The following PDE9A variants were observed in gnomAD, a reference collection of about 807,000 sequenced individuals.
The protein encoded by PDE9A is phosphodiesterase 9A, also known as high affinity cGMP-specific 3',5'-cyclic phosphodiesterase 9A.
PDE9A carries 60 observed loss-of-function variants against 87.4 expected under a neutral mutation model. The ratio of observed to expected loss-of-function variants is 0.69; its 90% confidence interval spans 0.56 to 0.85. PDE9A has a LOEUF of 0.85. Among genes scored for constraint, PDE9A ranks in the 40% least tolerant of loss-of-function variants. The probability of loss-of-function intolerance (pLI) is 0.00; values close to 1 mark genes in which losing one functional copy is unlikely to be tolerated. For synonymous variants in PDE9A, 272 were observed against 279.4 expected (o/e 0.97, Z 0.27); for missense variants, 665 against 779.0 (o/e 0.85, Z 1.74).
chr21:42,687,938 G>A lies in PDE9A; in HGVS notation c.162G>A (p.Leu54=). The part of the protein sequence containing the change: ...GLPRNTTISL[L]TTDDAMVSID... ...CCAGGAACACGACCATCTCCCTGCT[G>A]ACCACCGACGACGCCATGGTCTCCA... is the stretch of plus-strand genomic sequence containing the variant. Residue 54 remains leucine (L), a synonymous_variant, in exon 3 of 20, where the codon CTG becomes CTA. Coordinates refer to ENST00000291539, the MANE Select transcript of PDE9A (RefSeq NM_002606.3). 1 of 1,613,152 alleles carries A rather than the reference G, an allele frequency of 6.2e-7. No individual in the cohort carries two copies. Among genetic ancestry groups the A allele is most frequent in the South Asian group, 1.1e-5 (1 of 91,070 alleles).
chr21:42,740,249 T>C (rs1174654094), intron 7 of PDE9A, among the ~76,000 whole-genome samples: 3 of 151,870 alleles, frequency 2.0e-5, no homozygotes, highest in Admixed American at 6.6e-5. Context: ...TTCAAGACCA[T>C]CCTGGGCAAC....
intron 7 of PDE9A, among the ~76,000 whole-genome samples, chr21:42,743,079 C>T (rs1211818922): frequency 1.3e-5 from 2 of 152,214 alleles, no homozygotes; most frequent in Non-Finnish European, 2.9e-5. Context: ...AAAGTTAGTT[C>T]AGCCAAGGAA....
In PDE9A at chr21:42,722,502, G is replaced by A. The variant is rs911076455; in HGVS notation, c.263-9268G>A. On this transcript the variant is annotated intron_variant, in intron 4 of 19. Transcript: ENST00000291539. This position sits in a 1 kb window ranked among gnomAD's most constrained non-coding sequence, Gnocchi z 4.1. ...ATGAGCTCCCAGGCCACACACACACGCCCTTGTGATGTATTATTCCCTCTA... is the reference window on the plus strand; with the variant it reads ...ATGAGCTCCCAGGCCACACACACACACCCTTGTGATGTATTATTCCCTCTA... 2.0e-5 allele frequency among the ~76,000 whole-genome samples: 3 copies of A among 152,186 alleles called. No homozygotes were observed. The highest frequency in any genetic ancestry group is 4.2e-4 in the South Asian group (2 of 4,818).
At chr21:42,664,932 G>A (rs1466595602) in intron 1 of PDE9A, among the ~76,000 whole-genome samples, 3 of 152,230 alleles carry the variant, frequency 2.0e-5, no homozygotes, top group African/African-American at 7.2e-5. Flanking sequence ...GTGGATTTCT[G>A]TGCTAACCTG....
chr21:42,756,945 C>G (rs2055127936), intron 10 of PDE9A: 1 of 152,414 alleles, frequency 6.6e-6, no homozygotes. Context: ...GGCTTCACAG[C>G]AGACGCATCT....
chr21:42,683,724 CGCCTTTT>C (rs1358256921), intron 1 of PDE9A, among the ~76,000 whole-genome samples: 2 of 152,214 alleles, frequency 1.3e-5, no homozygotes, highest in Non-Finnish European at 2.9e-5. Flanking sequence ...GCCCTCCCCT[CGCCTTTT>C]GAGGTCTTGC....
intron 4 of PDE9A, among the ~76,000 whole-genome samples, chr21:42,699,342 A>G (rs978372581): frequency 2.0e-5 from 3 of 151,992 alleles, no homozygotes; most frequent in African/African-American, 7.2e-5. Flanking sequence ...TGGCCGTTCC[A>G]TTGGCTGCAC....
At chr21:42,655,746 C>T (rs1455876282) in intron 1 of PDE9A, among the ~76,000 whole-genome samples, 1 of 152,208 alleles carries the variant, frequency 6.6e-6, no homozygotes, top group Non-Finnish European at 1.5e-5. Flanking sequence ...CATTATTCTT[C>T]CCTCAGTTCC....
intron 7 of PDE9A, among the ~76,000 whole-genome samples, chr21:42,740,768 GATAGATA>G (rs1457987087): frequency 2.1e-5 from 3 of 143,974 alleles, no homozygotes; most frequent in Non-Finnish European, 4.6e-5. Context: ...TAGATAGATA[GATAGATA>G]GATAGATAGA....
intron 1 of PDE9A, among the ~76,000 whole-genome samples, chr21:42,669,267 C>T (rs1186966702): frequency 6.6e-6 from 1 of 152,156 alleles, no homozygotes; most frequent in Non-Finnish European, 1.5e-5. Context: ...AGATTCCCTT[C>T]CTTGCCTCTT....
intron 1 of PDE9A, among the ~76,000 whole-genome samples, chr21:42,669,126 C>T (rs1032427930): frequency 6.6e-6 from 1 of 152,152 alleles, no homozygotes; most frequent in African/African-American, 2.4e-5. Context: ...AGCAAATGGC[C>T]ATAAATGCCA....
intron 3 of PDE9A, among the ~76,000 whole-genome samples, chr21:42,693,174 C>G (rs187561100): frequency 4.5e-4 from 68 of 152,322 alleles, no homozygotes; most frequent in Non-Finnish European, 9.0e-4. Context: ...GACGCATGCC[C>G]GTCAATTTGT....
At chr21:42,749,465 G>A (rs752806749) in intron 8 of PDE9A, among the ~76,000 whole-genome samples, 8 of 152,138 alleles carry the variant, frequency 5.3e-5, no homozygotes, top group Non-Finnish European at 8.8e-5. Context: ...AGACCTCCTG[G>A]GGCAGCTGCT....
At chr21:42,762,383 C>A in intron 14 of PDE9A, 144 bp downstream of exon 14, 1 of 799,452 alleles carries the variant, frequency 1.3e-6, no homozygotes, top group Non-Finnish European at 2.0e-6. Context: ...CCTCCTTCCT[C>A]ACCTCCTCCA....
intron 19 of PDE9A, among the ~76,000 whole-genome samples, chr21:42,774,927 G>T (rs975932210): frequency 6.7e-6 from 1 of 148,852 alleles, no homozygotes; most frequent in Admixed American, 6.7e-5. Context: ...ACGTTTCTGC[G>T]ACTGCTGGCA....
intron 1 of PDE9A, among the ~76,000 whole-genome samples, chr21:42,668,407 G>A (rs556032171): frequency 3.5e-4 from 53 of 152,300 alleles, no homozygotes; most frequent in African/African-American, 1.2e-3. Flanking sequence ...AGGGGGTGGC[G>A]GAAGGGTCAT....
In PDE9A at chr21:42,724,246, G is replaced by C. The variant is rs557910133; in HGVS notation, c.263-7524G>C. Among the ~76,000 whole-genome samples the C allele has an allele frequency of 2.9e-4, 44 of 152,326 alleles. No individual in the cohort carries two copies. The South Asian group carries it at 8.9e-3, about 31-fold the overall frequency. Reference sequence around the variant, plus strand: ...TGGTGGAAGCAGGAAGGGGAGGTCAGAGGAAAACTGGGGCCCTCAGTGGGC... The same window carrying C: ...TGGTGGAAGCAGGAAGGGGAGGTCACAGGAAAACTGGGGCCCTCAGTGGGC... On this transcript the variant is annotated intron_variant, in intron 4 of 19. Transcript: ENST00000291539.
Position 42,768,227 on chromosome 21 carries a change from G to A in PDE9A, c.1396G>A (p.Glu466Lys), listed in dbSNP as rs368665913. ...GATAAAATGCTGTGATATCTCTAACGAGGTCCGTCCAATGGAAGTCGCAGA... is the reference window on the plus strand; with the variant it reads ...GATAAAATGCTGTGATATCTCTAACAAGGTCCGTCCAATGGAAGTCGCAGA... ...ILIKCCDISNEVRPMEVAEPW... is the reference protein window; with the variant it reads ...ILIKCCDISNKVRPMEVAEPW... Residue 466 changes from glutamate (E) to lysine (K), a missense_variant, in exon 16 of 20, where the codon GAG (glutamate) becomes AAG (lysine). Coordinates refer to ENST00000291539, the MANE Select transcript of PDE9A (RefSeq NM_002606.3). The A allele has an allele frequency of 2.0e-5, 32 of 1,611,336 alleles. No individual in the cohort carries two copies. The highest frequency in any genetic ancestry group is 9.3e-6 in the Non-Finnish European group (11 of 1,177,504).
intron 1 of PDE9A, among the ~76,000 whole-genome samples, chr21:42,685,159 C>CCG (rs1213441590): frequency 6.6e-6 from 1 of 152,224 alleles, no homozygotes; most frequent in Non-Finnish European, 1.5e-5. Flanking sequence ...GTGGCCCGTT[C>CCG]CGCGCTCTGT....
Sources: gnomAD v4.1 joint callset for allele counts (sites outside exome capture counted in the v4.1 genomes callset) on GRCh38, gnomAD v4.1.1 for gene constraint, Gnocchi (gnomAD v3.1) non-coding constraint, MANE v1.5 for transcripts, NCBI Gene and HGNC (gene_info 2026-07-23, HGNC 2026-07-21) for gene names.